WDSUB1: variants seen among roughly 807,000 people sequenced by gnomAD.
The protein encoded by WDSUB1 is WD repeat, sterile alpha motif and U-box domain containing 1.
Under a neutral mutation model 53.9 loss-of-function variants are expected in WDSUB1, and 49 were observed. The observed-to-expected ratio is 0.91, with a 90% CI of 0.72 to 1.15. The LOEUF (loss-of-function observed/expected upper bound fraction) is 1.15, where lower values mean the gene tolerates loss of function less well. Among genes scored for constraint, WDSUB1 ranks in the 50% most tolerant of loss-of-function variants. WDSUB1 has a pLI of 0.00. For synonymous variants in WDSUB1, 194 were observed against 200.6 expected (o/e 0.97, Z 0.28); for missense variants, 514 against 562.0 (o/e 0.91, Z 0.86).
chr2:159,247,891 ATAT>A (rs1559531689), intron 10 of WDSUB1, among the ~76,000 whole-genome samples: 8 of 21,828 alleles, frequency 3.7e-4, no homozygotes, highest in African/African-American at 8.8e-4. Flanking sequence ...AAATAAATAT[ATAT>A]ATATATATAT....
At chr2:159,241,782 G>A (rs773953352) in intron 10 of WDSUB1, among the ~76,000 whole-genome samples, 7 of 139,316 alleles carry the variant, frequency 5.0e-5, no homozygotes, top group Non-Finnish European at 1.1e-4. Context: ...GCATGATCTC[G>A]GCTCACTGCA....
intron 5 of WDSUB1, among the ~76,000 whole-genome samples, chr2:159,265,084 CAAA>C (rs1164740308): frequency 2.1e-5 from 2 of 94,866 alleles, no homozygotes. Flanking sequence ...AACTCCATCT[CAAA>C]AAAAAAAAAA....
chr2:159,272,167 A>G lies in WDSUB1; in HGVS notation c.677-372T>C, dbSNP rs2061456445. ...GGTGGTAGAGGTTTAGTATGTGCAA[A>G]ATCACGTCAAACAGAAGTTACATTA... is the stretch of plus-strand genomic sequence containing the variant. On this transcript the variant is annotated intron_variant, in intron 4 of 10. Coordinates refer to ENST00000359774, the MANE Select transcript of WDSUB1 (RefSeq NM_001128212.3). 2.0e-5 allele frequency among the ~76,000 whole-genome samples: 3 copies of G among 152,196 alleles called. No individual in the cohort carries two copies. In the South Asian group the frequency reaches 6.2e-4, roughly 32 times the overall value.
intron 2 of WDSUB1, among the ~76,000 whole-genome samples, chr2:159,280,292 G>T (rs968256185): frequency 3.9e-5 from 6 of 152,070 alleles, no homozygotes; most frequent in Admixed American, 1.3e-4. Context: ...GCAATGACAA[G>T]CAACATCAAC....
At chr2:159,275,444 TA>T (rs2151138232) in intron 4 of WDSUB1, 101 bp downstream of exon 4, 1 of 893,870 alleles carries the variant, frequency 1.1e-6, no homozygotes, top group East Asian at 2.7e-5. Flanking sequence ...CATATTTTAA[TA>T]CTTACTTTTA....
intron 5 of WDSUB1, among the ~76,000 whole-genome samples, chr2:159,261,521 T>C (rs1000336162): frequency 6.6e-6 from 1 of 152,154 alleles, no homozygotes; most frequent in African/African-American, 2.4e-5. Flanking sequence ...ACACTTTTAT[T>C]TAATCCTAAG....
chr2:159,245,305 A>AC (rs1257466815), intron 10 of WDSUB1, among the ~76,000 whole-genome samples: 3 of 152,016 alleles, frequency 2.0e-5, no homozygotes, highest in Non-Finnish European at 2.9e-5. Flanking sequence ...AGGAGGACAG[A>AC]CCCCCTGAGG....
At chr2:159,257,596 C>T (rs945590825) in intron 8 of WDSUB1, among the ~76,000 whole-genome samples, 162 bp downstream of exon 8, 1 of 152,026 alleles carries the variant, frequency 6.6e-6, no homozygotes, top group African/African-American at 2.4e-5. Flanking sequence ...CCATGTTGGC[C>T]AGGCTGGTCT....
intron 10 of WDSUB1, among the ~76,000 whole-genome samples, chr2:159,239,808 T>C (rs2060595326): frequency 6.6e-6 from 1 of 152,158 alleles, no homozygotes; most frequent in Admixed American, 6.5e-5. Flanking sequence ...ACTTACAAAT[T>C]AGTACCAGCT....
chr2:159,278,961 T>C (rs946816991), intron 3 of WDSUB1, among the ~76,000 whole-genome samples: 1 of 152,212 alleles, frequency 6.6e-6, no homozygotes, highest in Non-Finnish European at 1.5e-5. Context: ...CTATCTGTAA[T>C]ATACATACCA....
At chr2:159,244,502 G>A (rs370624570) in intron 10 of WDSUB1, among the ~76,000 whole-genome samples, 1 of 152,146 alleles carries the variant, frequency 6.6e-6, no homozygotes, top group African/African-American at 2.4e-5. Context: ...GGTGTGTAGA[G>A]AGCATCCACA....
chr2:159,255,618 A>C (rs1015515512), intron 9 of WDSUB1, among the ~76,000 whole-genome samples: 1 of 152,208 alleles, frequency 6.6e-6, no homozygotes, highest in African/African-American at 2.4e-5. Flanking sequence ...CAAGAGATTT[A>C]AATAGGCTCA....
chr2:159,280,460 G>A (rs901749152), intron 2 of WDSUB1, among the ~76,000 whole-genome samples: 2 of 152,008 alleles, frequency 1.3e-5, no homozygotes, highest in East Asian at 1.9e-4. Flanking sequence ...GGGAGGCCGA[G>A]GCGGGCGGAT....
intron 9 of WDSUB1, among the ~76,000 whole-genome samples, chr2:159,249,423 C>CTACTT (rs1284244950): frequency 6.6e-6 from 1 of 152,162 alleles, no homozygotes; most frequent in African/African-American, 2.4e-5. Context: ...GTTGACAGTT[C>CTACTT]TACTTTAGGT....
chr2:159,262,692 G>A (rs2061252365), intron 5 of WDSUB1, among the ~76,000 whole-genome samples: 3 of 152,110 alleles, frequency 2.0e-5, no homozygotes, highest in Admixed American at 2.0e-4. Context: ...TAGGGTTAGG[G>A]AAAAATAACA....
intron 6 of WDSUB1, among the ~76,000 whole-genome samples, chr2:159,258,300 C>G (rs555109809): frequency 3.3e-5 from 5 of 152,278 alleles, no homozygotes; most frequent in Non-Finnish European, 7.4e-5. Flanking sequence ...CATCTATTAC[C>G]TGAAATAATT....
At chr2:159,244,352 G>C (rs1261137304) in intron 10 of WDSUB1, among the ~76,000 whole-genome samples, 2 of 151,474 alleles carry the variant, frequency 1.3e-5, no homozygotes, top group Admixed American at 6.6e-5. Context: ...ACATATCTAA[G>C]GGGTCTGCAT....
intron 9 of WDSUB1, among the ~76,000 whole-genome samples, chr2:159,251,819 A>C (rs985243243): frequency 4.6e-5 from 7 of 152,324 alleles, no homozygotes; most frequent in Non-Finnish European, 1.0e-4. Context: ...ACTCAACCCC[A>C]AAAACCTCTG....
chr2:159,262,837 A>C (rs949154555), intron 5 of WDSUB1, among the ~76,000 whole-genome samples: 2 of 152,240 alleles, frequency 1.3e-5, no homozygotes, highest in African/African-American at 4.8e-5. Context: ...AGCCAAATCA[A>C]CAACCACTAA....
Sources: allele counts gnomAD v4.1 joint callset (sites outside exome capture counted in the v4.1 genomes callset), GRCh38; gene constraint gnomAD v4.1.1; transcripts MANE v1.5; gene names NCBI Gene and HGNC (gene_info 2026-07-23, HGNC 2026-07-21).